ADAMTS16: variants seen among roughly 807,000 people sequenced by gnomAD.
The protein encoded by ADAMTS16 is ADAM metallopeptidase with thrombospondin type 1 motif 16.
ADAMTS16 carries 94 observed loss-of-function variants against 145.8 expected under a neutral mutation model. The ratio of observed to expected loss-of-function variants is 0.64; its 90% CI spans 0.55 to 0.77. ADAMTS16 has a LOEUF of 0.77. ADAMTS16 is among the 30% of genes least tolerant of loss of function. The pLI, the probability that ADAMTS16 is intolerant of heterozygous loss-of-function variation, is 0.00. For synonymous variants in ADAMTS16, 659 were observed against 604.3 expected (o/e 1.09, Z -1.33); for missense variants, 1,585 against 1,591.5 (o/e 1.00, Z 0.07).
In ADAMTS16 at chr5:5,234,015, G is replaced by A. The variant is rs553567340; in HGVS notation, c.1851-999G>A. 5.9e-5 allele frequency among the ~76,000 whole-genome samples: 9 copies of A among 152,264 alleles called. No homozygotes were observed. The South Asian group carries it at 1.7e-3, about 28-fold the overall frequency. On this transcript the variant is annotated intron_variant, in intron 12 of 22. Coordinates refer to ENST00000274181, the MANE Select transcript of ADAMTS16 (RefSeq NM_139056.4). ...CCTCGCCAGCACCTGTTATCTTTTA[G>A]CATTTTAATAGTAGCCATTCTGACT...
chr5:5,294,562 AT>A (rs1338138378), intron 18 of ADAMTS16, among the ~76,000 whole-genome samples: 1 of 152,226 alleles, frequency 6.6e-6, no homozygotes, highest in Non-Finnish European at 1.5e-5. Context: ...AAGTCTACAG[AT>A]TTGAATGTTT....
intron 17 of ADAMTS16, among the ~76,000 whole-genome samples, chr5:5,249,437 A>G (rs143546543): frequency 1.3e-5 from 2 of 152,130 alleles, no homozygotes; most frequent in Admixed American, 1.3e-4. Context: ...GACTCCCTGC[A>G]TGAGACCCGT....
chr5:5,196,034 TG>T (rs1735790739), intron 8 of ADAMTS16, among the ~76,000 whole-genome samples: 1 of 151,988 alleles, frequency 6.6e-6, no homozygotes, highest in Non-Finnish European at 1.5e-5. Context: ...CAGACCAGCC[TG>T]GCCAAGATGG....
intron 21 of ADAMTS16, among the ~76,000 whole-genome samples, chr5:5,314,247 C>T (rs989337360): frequency 2.0e-5 from 3 of 152,208 alleles, no homozygotes; most frequent in African/African-American, 7.2e-5. Context: ...GGACTTAGAG[C>T]AGGCCTCTCA....
intron 18 of ADAMTS16, among the ~76,000 whole-genome samples, chr5:5,276,589 G>C (rs1023537010): frequency 6.6e-6 from 1 of 152,314 alleles, no homozygotes; most frequent in Admixed American, 6.5e-5. Flanking sequence ...CATTCTTCAA[G>C]GGGTGTTGGA....
intron 7 of ADAMTS16, among the ~76,000 whole-genome samples, chr5:5,190,526 C>T (rs1049131417): frequency 2.6e-5 from 4 of 151,790 alleles, no homozygotes; most frequent in African/African-American, 9.7e-5. Context: ...TTTTTCCCTT[C>T]TCTCTCTGTA....
At chr5:5,231,943 T>C (rs1736938035) in intron 11 of ADAMTS16, among the ~76,000 whole-genome samples, 1 of 152,166 alleles carries the variant, frequency 6.6e-6, no homozygotes. Flanking sequence ...TTGAGCCATG[T>C]GGAGCCTCCA....
At chr5:5,230,724 C>T (rs1014636284) in intron 11 of ADAMTS16, among the ~76,000 whole-genome samples, 1 of 152,246 alleles carries the variant, frequency 6.6e-6, no homozygotes, top group Non-Finnish European at 1.5e-5. Context: ...ATGAACTTTG[C>T]CAGGTAACAA....
At position 5,306,636 on chromosome 5, in the gene ADAMTS16, C is replaced by A; in HGVS notation, c.3319C>A (p.Arg1107Ser). 1 of 1,614,170 alleles carries A rather than the reference C, an allele frequency of 6.2e-7. No homozygotes were observed. The highest frequency in any genetic ancestry group is 8.5e-7 in the Non-Finnish European group (1 of 1,180,018). ...HLPKPSLELE[R>S]ACAPLPCPRH... ...GCCGAAGCCCAGCCTGGAGCTGGAA[C>A]GTGCCTGCGCCCCGCTTCCATGCCC... is the stretch of plus-strand genomic sequence containing the variant. Residue 1107 changes from arginine to serine, a missense_variant, in exon 21 of 23, where the codon CGT becomes AGT. Physicochemically the swap from Arg to Ser is moderately radical, Grantham distance 110. Coordinates refer to ENST00000274181, the MANE Select transcript of ADAMTS16 (RefSeq NM_139056.4).
At chr5:5,153,168 G>T (rs941065294) in intron 3 of ADAMTS16, among the ~76,000 whole-genome samples, 4 of 152,196 alleles carry the variant, frequency 2.6e-5, no homozygotes, top group Non-Finnish European at 4.4e-5. Context: ...TTTCTCATTG[G>T]TTTCCACTTC....
chr5:5,286,310 A>C (rs1483261929), intron 18 of ADAMTS16, among the ~76,000 whole-genome samples: 1 of 152,198 alleles, frequency 6.6e-6, no homozygotes, highest in Admixed American at 6.5e-5. Flanking sequence ...AAATTATGCC[A>C]ATGATAATAC....
rs1214786975 is a variant in ADAMTS16, at chr5:5,237,324, TA to T, written c.2154+226del. 2.6e-5 allele frequency among the ~76,000 whole-genome samples: 4 copies of T among 152,094 alleles called. No homozygotes were observed. In the East Asian group the frequency reaches 7.7e-4, roughly 29 times the overall value. ...AGGGAGGGGCCCGTTCTGTCTTAGATATGGGTCTGGGACATTCGTGGGGCTC... is the reference window on the plus strand; with the variant it reads ...AGGGAGGGGCCCGTTCTGTCTTAGATTGGGTCTGGGACATTCGTGGGGCTC... On this transcript the variant is annotated intron_variant, in intron 14 of 22. Transcript: ENST00000274181.
intron 17 of ADAMTS16, among the ~76,000 whole-genome samples, chr5:5,256,731 C>T (rs1207129496): frequency 6.6e-6 from 1 of 152,212 alleles, no homozygotes; most frequent in Non-Finnish European, 1.5e-5. Flanking sequence ...ATCATAAAGG[C>T]ATGACTCTTT....
intron 18 of ADAMTS16, among the ~76,000 whole-genome samples, chr5:5,265,985 A>AGTGTGTGTGT (rs71604122): frequency 2.1e-5 from 3 of 141,474 alleles, no homozygotes; most frequent in East Asian, 4.2e-4. Flanking sequence ...GACTTAAAGA[A>AGTGTGTGTGT]GTGTGTGTGT....
At chr5:5,213,118 A>G (rs1736322967) in intron 10 of ADAMTS16, among the ~76,000 whole-genome samples, 1 of 152,228 alleles carries the variant, frequency 6.6e-6, no homozygotes, top group Non-Finnish European at 1.5e-5. Context: ...ATTTCTCTGC[A>G]AATTAAATGC....
rs542549914 is a variant in ADAMTS16 at position 5,278,235 on chromosome 5, C to T, written c.2789+15452C>T. Among the ~76,000 whole-genome samples the T allele has an allele frequency of 1.4e-4, 21 of 152,270 alleles. No homozygotes were observed. The South Asian group carries it at 4.2e-3, about 30-fold the overall frequency. On this transcript the variant is annotated intron_variant, in intron 18 of 22. Transcript: ENST00000274181. ...CCTCAATGACCCGGTGCCAAGAATT[C>T]CAGTGACTTTGGTTCTCCATTCTGG...
intron 3 of ADAMTS16, among the ~76,000 whole-genome samples, chr5:5,164,025 G>A (rs1484232386): frequency 1.3e-5 from 2 of 152,148 alleles, no homozygotes; most frequent in Admixed American, 6.5e-5. Context: ...CACCCACACC[G>A]GCTGAGGCAG....
At chr5:5,293,988 G>A (rs759062092) in intron 18 of ADAMTS16, among the ~76,000 whole-genome samples, 3 of 152,340 alleles carry the variant, frequency 2.0e-5, no homozygotes, top group East Asian at 3.9e-4. Context: ...GAGGCCACAG[G>A]TCCATGTGTG....
chr5:5,274,782 G>A (rs1738625708), intron 18 of ADAMTS16, among the ~76,000 whole-genome samples: 1 of 151,396 alleles, frequency 6.6e-6, no homozygotes, highest in South Asian at 2.1e-4. Flanking sequence ...TATAAGAAAG[G>A]GCAGAAAGAT....
Sources: allele counts gnomAD v4.1 joint callset (sites outside exome capture counted in the v4.1 genomes callset), GRCh38; gene constraint gnomAD v4.1.1; transcripts MANE v1.5; gene names NCBI Gene and HGNC (gene_info 2026-07-23, HGNC 2026-07-21).